LINGO2: variants seen among roughly 807,000 people sequenced by gnomAD.
The protein encoded by LINGO2 is leucine-rich repeat and immunoglobulin-like domain-containing nogo receptor-interacting protein 2.
In LINGO2, 14 loss-of-function variants were observed where a neutral mutation model predicts 30.6. That is an observed-to-expected ratio of 0.46 (90% CI 0.30 to 0.72). LINGO2 has a LOEUF of 0.72. Ranked by LOEUF, LINGO2 falls within the 30% of genes least tolerant of loss-of-function variation. The probability of loss-of-function intolerance (pLI) is 0.07; values close to 1 mark genes in which losing one functional copy is unlikely to be tolerated. For missense variants in LINGO2, 729 were observed against 751.7 expected (o/e 0.97, Z 0.35); for synonymous variants, 317 against 288.5 (o/e 1.10, Z -1.00).
At chr9:28,488,352 C>T (rs1280055160) in intron 1 of LINGO2, among the ~76,000 whole-genome samples, 1 of 152,062 alleles carries the variant, frequency 6.6e-6, no homozygotes, top group African/African-American at 2.4e-5. Flanking sequence ...GAAACACTGA[C>T]CCAAGGAACT....
chr9:27,970,579 A>AT (rs981124674), intron 5 of LINGO2, among the ~76,000 whole-genome samples: 1 of 152,094 alleles, frequency 6.6e-6, no homozygotes, highest in Non-Finnish European at 1.5e-5. Context: ...GTAAACATTG[A>AT]TTTTTGTGTT....
the LINGO2 span, among the ~76,000 whole-genome samples, chr9:28,687,856 C>G: frequency 6.6e-6 from 1 of 151,970 alleles, no homozygotes; most frequent in Non-Finnish European, 1.5e-5. Context: ...CACGGCTATA[C>G]AGTAACATAG....
At chr9:27,949,080 G>A (rs1430079901) in exon 6 of LINGO2, 1 of 1,614,172 alleles carries the variant, frequency 6.2e-7, no homozygotes, top group Non-Finnish European at 8.5e-7. Flanking sequence ...AAAAGTATTG[G>A]CATTGGTGCC....
chr9:29,211,284 T>G, the LINGO2 span, among the ~76,000 whole-genome samples: 1 of 152,292 alleles, frequency 6.6e-6, no homozygotes, highest in African/African-American at 2.4e-5. Context: ...ATAAGCACTC[T>G]TTCATTTATT....
chr9:28,950,710 G>T, the LINGO2 span, among the ~76,000 whole-genome samples: 1 of 152,188 alleles, frequency 6.6e-6, no homozygotes, highest in Non-Finnish European at 1.5e-5. Flanking sequence ...ACCTCTTCAA[G>T]AAGAACCCTA....
chr9:28,553,197 T>A (rs1822409222), intron 1 of LINGO2, among the ~76,000 whole-genome samples: 1 of 152,052 alleles, frequency 6.6e-6, no homozygotes, highest in African/African-American at 2.4e-5. Flanking sequence ...ATCAAATTAC[T>A]CTGAGCTAAG....
intron 3 of LINGO2, among the ~76,000 whole-genome samples, chr9:28,309,907 G>C (rs945037747): frequency 6.6e-6 from 1 of 151,984 alleles, no homozygotes; most frequent in Non-Finnish European, 1.5e-5. Context: ...CACATGAAAT[G>C]ATGCTCAATG....
chr9:28,320,175 A>G (rs1223572011), intron 3 of LINGO2, among the ~76,000 whole-genome samples: 1 of 152,136 alleles, frequency 6.6e-6, no homozygotes, highest in Admixed American at 6.6e-5. Flanking sequence ...CAAGGGTCAC[A>G]TAGCTTAGTT....
chr9:28,706,714 G>C, the LINGO2 span, among the ~76,000 whole-genome samples: 5 of 152,018 alleles, frequency 3.3e-5, no homozygotes, highest in African/African-American at 1.2e-4. Flanking sequence ...AGCATTTTAG[G>C]GGACATGTAA....
intron 1 of LINGO2, among the ~76,000 whole-genome samples, chr9:28,632,881 T>TAGAGAGAGAGAG (rs36101397): frequency 1.6e-5 from 1 of 61,914 alleles, no homozygotes; most frequent in African/African-American, 6.9e-5. Flanking sequence ...TATATATATG[T>TAGAGAGAGAGAG]AGAGAGAGAG....
At chr9:27,989,031 C>T (rs539658553) in intron 5 of LINGO2, among the ~76,000 whole-genome samples, 10 of 152,100 alleles carry the variant, frequency 6.6e-5, no homozygotes, top group African/African-American at 2.2e-4. Flanking sequence ...TGCTCACCAA[C>T]CTGAGCCTTC....
chr9:29,007,598 G>A, the LINGO2 span, among the ~76,000 whole-genome samples: 2 of 151,990 alleles, frequency 1.3e-5, no homozygotes, highest in East Asian at 1.9e-4. Flanking sequence ...AGAAAGACAG[G>A]TCACAAATAC....
chr9:29,020,502 G>T, the LINGO2 span, among the ~76,000 whole-genome samples: 7 of 152,126 alleles, frequency 4.6e-5, no homozygotes, highest in African/African-American at 1.7e-4. Context: ...GGCTTCTAAA[G>T]ATCTCTAGAA....
the LINGO2 span, among the ~76,000 whole-genome samples, chr9:28,789,053 A>G: frequency 6.8e-4 from 103 of 152,314 alleles, no homozygotes; most frequent in Admixed American, 4.4e-3. Flanking sequence ...TCCTCATAGC[A>G]TATGTCAAGA....
At chr9:28,496,333 T>G (rs1260905556) in intron 1 of LINGO2, among the ~76,000 whole-genome samples, 1 of 152,140 alleles carries the variant, frequency 6.6e-6, no homozygotes, top group Non-Finnish European at 1.5e-5. Context: ...GCTTTATGAA[T>G]CTGGGTGCTC....
At chr9:28,324,351 G>A (rs898450016) in intron 3 of LINGO2, among the ~76,000 whole-genome samples, 3 of 152,140 alleles carry the variant, frequency 2.0e-5, no homozygotes, top group African/African-American at 7.2e-5. Flanking sequence ...ACCAGGTATA[G>A]TTGTCAGAGG....
At chr9:28,031,548 C>T (rs568112373) in intron 4 of LINGO2, among the ~76,000 whole-genome samples, 232 of 152,210 alleles carry the variant, frequency 1.5e-3, no homozygotes, top group African/African-American at 4.5e-3. Flanking sequence ...CTAGGATCTG[C>T]CACTTACTTG....
At chr9:28,532,978 C>G (rs1821293579) in intron 1 of LINGO2, among the ~76,000 whole-genome samples, 1 of 151,986 alleles carries the variant, frequency 6.6e-6, no homozygotes, top group Non-Finnish European at 1.5e-5. Context: ...ATGGTTAATA[C>G]CGAGTGTCAA....
chr9:29,073,898 AT>A, the LINGO2 span, among the ~76,000 whole-genome samples: 1 of 152,176 alleles, frequency 6.6e-6, no homozygotes, highest in South Asian at 2.1e-4. Context: ...AAGTTTTAGT[AT>A]TTTAAAATTA....
Sources: gnomAD v4.1 joint callset for allele counts (sites outside exome capture counted in the v4.1 genomes callset) on GRCh38, gnomAD v4.1.1 for gene constraint, MANE v1.5 for transcripts, NCBI Gene and HGNC (gene_info 2026-07-23, HGNC 2026-07-21) for gene names.